Variants in PTK2 observed in about 807,000 individuals in gnomAD.
The protein encoded by PTK2 is protein tyrosine kinase 2, also known as focal adhesion kinase 1.
In PTK2, 45 loss-of-function variants were observed where a neutral mutation model predicts 150.1. That is an observed-to-expected ratio of 0.30 (90% CI 0.24 to 0.38). The LOEUF is 0.38. PTK2 is among the 10% of genes least tolerant of loss of function. The pLI is 1.00. For missense variants in PTK2, 919 were observed against 1,307.3 expected, an observed-to-expected ratio of 0.70 and a Z score of 4.58; for synonymous variants, 432 against 449.2, an observed-to-expected ratio of 0.96 and a Z score of 0.48.
At position 140,668,359 on chromosome 8, in the gene PTK2, G is replaced by T; in HGVS notation, c.2775C>A (p.Tyr925Ter). 1 of 1,613,948 alleles carries T rather than the reference G, an allele frequency of 6.2e-7. No homozygotes were observed. The change falls in exon 30 of 32, where the codon TAC (tyrosine) becomes TAA (stop). Residue 925 changes from tyrosine (Y) to a stop codon, truncating the protein, a stop_gained. Transcript: ENST00000522684. LOFTEE classifies it high-confidence loss of function. ...CTTTCACCAGGCCCGTCACATTCTC[G>T]TACACCTTATCATTCGACCGGTCCA...
rs571677495 is a variant in PTK2, at chr8:140,910,029, A to G, written c.-33+15632T>C. The stretch of plus-strand genomic sequence containing the variant: ...ATATGGGTTTTTTTCTAAACTGAAA[A>G]TCTATCATGAGTATACAACTCCATT... On this transcript the variant is annotated intron_variant, in intron 2 of 31. Transcript: ENST00000522684. Among the ~76,000 whole-genome samples the G allele has an allele frequency of 1.1e-4, 16 of 152,294 alleles. No individual in the cohort carries two copies. The South Asian group carries it at 2.5e-3, about 24-fold the overall frequency.
At chr8:140,793,312 TC>T (rs929736433) in intron 13 of PTK2, 41 bp downstream of exon 13, 14 of 1,587,518 alleles carry the variant, frequency 8.8e-6, no homozygotes, top group Non-Finnish European at 1.2e-5. Context: ...CCTTAAACTT[TC>T]CAACAAAACA....
chr8:140,820,131 A>C (rs2100107531), intron 8 of PTK2, among the ~76,000 whole-genome samples: 6 of 93,848 alleles, frequency 6.4e-5, no homozygotes, highest in South Asian at 3.6e-4. Context: ...ATAGGGTCTC[A>C]CTCTGTCGCC....
intron 14 of PTK2, among the ~76,000 whole-genome samples, chr8:140,775,139 C>T (rs2100077669): frequency 6.6e-6 from 1 of 152,134 alleles, no homozygotes. Context: ...GATCAGAACT[C>T]CTTTCAGGTA....
chr8:140,881,130 C>T (rs1369808070), intron 3 of PTK2, among the ~76,000 whole-genome samples: 1 of 152,192 alleles, frequency 6.6e-6, no homozygotes, highest in Non-Finnish European at 1.5e-5. Context: ...CTATGTGGAA[C>T]TGACAGAGGC....
intron 20 of PTK2, among the ~76,000 whole-genome samples, chr8:140,739,872 G>A (rs1309380976): frequency 1.3e-5 from 2 of 152,178 alleles, no homozygotes; most frequent in Non-Finnish European, 2.9e-5. Context: ...GCATATGTGG[G>A]TATTAGGGAA....
chr8:140,899,239 G>A (rs1228961591), intron 2 of PTK2, among the ~76,000 whole-genome samples: 1 of 151,966 alleles, frequency 6.6e-6, no homozygotes, highest in Non-Finnish European at 1.5e-5. Context: ...CTGGCTAAGG[G>A]ACTTTCTAGG....
chr8:140,851,468 T>C (rs984992552), intron 5 of PTK2, among the ~76,000 whole-genome samples: 44 of 152,246 alleles, frequency 2.9e-4, no homozygotes, highest in Admixed American at 8.5e-4. Flanking sequence ...GGATGTTCTA[T>C]TGAGGATAGA....
At chr8:140,943,496 G>A (rs146102364) in intron 1 of PTK2, among the ~76,000 whole-genome samples, 1 of 152,300 alleles carries the variant, frequency 6.6e-6, no homozygotes, top group Non-Finnish European at 1.5e-5. Flanking sequence ...ATGGATATTT[G>A]AGCTGTCTCC....
intron 1 of PTK2, among the ~76,000 whole-genome samples, chr8:140,996,837 CT>C (rs2154610397): frequency 6.6e-6 from 1 of 152,314 alleles, no homozygotes; most frequent in Non-Finnish European, 1.5e-5. Flanking sequence ...GGTTTTCATG[CT>C]TGTTAACACC....
intron 27 of PTK2, among the ~76,000 whole-genome samples, chr8:140,679,492 G>A (rs1249435182): frequency 1.3e-5 from 2 of 152,200 alleles, no homozygotes; most frequent in African/African-American, 4.8e-5. Flanking sequence ...CAGAAAAGGA[G>A]AGACTCTGCT....
chr8:140,825,378 CTAGAA>C (rs1486158093), intron 8 of PTK2, among the ~76,000 whole-genome samples: 1 of 152,110 alleles, frequency 6.6e-6, no homozygotes. Context: ...TCTGCTCATC[CTAGAA>C]ATGAAAATAA....
In PTK2 at chr8:140,660,494, C is replaced by G. The variant is rs369322070; in HGVS notation, c.2947-816G>C. The G allele has an allele frequency of 2.6e-4, 108 of 413,508 alleles. 3 individuals are homozygous for G. Among genetic ancestry groups the G allele is most frequent in the South Asian group, 1.7e-3 (96 of 56,130 alleles). 25.6% of individuals were successfully genotyped at this position (413,508 alleles called of 1,614,324 possible). On this transcript the variant is annotated intron_variant, in intron 31 of 31. Transcript: ENST00000522684. The stretch of plus-strand genomic sequence containing the variant: ...ATTTCAGCACTTTGGGCGGCGGAGG[C>G]AGGCTGACGGCTTGAGCTCAAAAGT...
At chr8:140,833,042 T>C (rs749985800) in intron 7 of PTK2, 21 of 518,876 alleles carry the variant, frequency 4.0e-5, no homozygotes, top group Admixed American at 1.2e-4. Context: ...TTCATTGCTG[T>C]CACAAATAAG....
chr8:140,784,695 G>A (rs554540185), intron 14 of PTK2, among the ~76,000 whole-genome samples: 1 of 152,202 alleles, frequency 6.6e-6, no homozygotes, highest in East Asian at 1.9e-4. Flanking sequence ...TCCACAACAA[G>A]CACAAGTTTC....
At chr8:140,708,083 A>G (rs1272250240) in intron 23 of PTK2, among the ~76,000 whole-genome samples, 1 of 152,252 alleles carries the variant, frequency 6.6e-6, no homozygotes, top group African/African-American at 2.4e-5. Flanking sequence ...AGAAGTCAAT[A>G]AAGTCTTTTA....
At chr8:140,754,711 T>C (rs779405275) in intron 16 of PTK2, among the ~76,000 whole-genome samples, 5 of 152,168 alleles carry the variant, frequency 3.3e-5, no homozygotes, top group Admixed American at 6.5e-5. Flanking sequence ...ATATACAAAA[T>C]GCCAACATGA....
In PTK2 at chr8:140,816,143, G is replaced by A. The variant is rs116816047; in HGVS notation, c.867+2134C>T. On this transcript the variant is annotated intron_variant, in intron 10 of 31. Coordinates refer to ENST00000522684, the Ensembl canonical transcript of PTK2. ...TCAATCAATAATAAGGTTGCAGACT[G>A]TATGTTAAACAATAATCAAGAATAT... 9.0e-3 allele frequency among the ~76,000 whole-genome samples: 1,373 copies of A among 152,182 alleles called. 30 individuals are homozygous for A. Among genetic ancestry groups the A allele is most frequent in the African/African-American group, 0.031 (1,270 of 41,518 alleles).
chr8:140,666,290 A>G (rs2091578805), intron 30 of PTK2, among the ~76,000 whole-genome samples: 1 of 152,184 alleles, frequency 6.6e-6, no homozygotes, highest in Admixed American at 6.5e-5. Flanking sequence ...GTGAACCAAG[A>G]TCGTGCCATT....
Sources: allele counts gnomAD v4.1 joint callset (sites outside exome capture counted in the v4.1 genomes callset), GRCh38; gene constraint gnomAD v4.1.1; transcripts MANE v1.5; gene names NCBI Gene and HGNC (gene_info 2026-07-23, HGNC 2026-07-21).